DLC1: variants seen among roughly 807,000 people sequenced by gnomAD.
The protein encoded by DLC1 is DLC1 Rho GTPase activating protein, also known as rho GTPase-activating protein 7.
In DLC1, 54 loss-of-function variants were observed where a neutral mutation model predicts 140.3. That is an observed-to-expected ratio of 0.38 (90% CI 0.31 to 0.48). The LOEUF is 0.48. Among genes scored for constraint, DLC1 ranks in the 20% least tolerant of loss-of-function variants. The probability of loss-of-function intolerance (pLI) is 0.96; values close to 1 mark genes in which losing one functional copy is unlikely to be tolerated. For missense variants in DLC1, 2,536 were observed against 1,907.0 expected, an observed-to-expected ratio of 1.33 and a Z score of -6.14; for synonymous variants, 986 against 728.1, an observed-to-expected ratio of 1.35 and a Z score of -5.70.
intron 5 of DLC1, among the ~76,000 whole-genome samples, chr8:13,277,508 C>T (rs1227625854): frequency 6.6e-6 from 1 of 152,178 alleles, no homozygotes. Flanking sequence ...TTCCTCATTA[C>T]AATTGCACAT....
intron 5 of DLC1, among the ~76,000 whole-genome samples, chr8:13,156,488 T>C (rs761468218): frequency 2.6e-5 from 4 of 152,178 alleles, no homozygotes; most frequent in Non-Finnish European, 4.4e-5. Context: ...ACTCTTCTTT[T>C]CCTTCCCACC....
chr8:13,354,216 T>A (rs1018371767), intron 4 of DLC1, among the ~76,000 whole-genome samples: 2 of 152,114 alleles, frequency 1.3e-5, no homozygotes, highest in African/African-American at 4.8e-5. Context: ...TTTGCTAAAA[T>A]GACTTTTTCT....
chr8:13,085,573 T>C lies in DLC1; in HGVS notation c.*238A>G, dbSNP rs1182743019. On this transcript the variant is annotated 3_prime_UTR_variant, in exon 18 of 18. Coordinates refer to ENST00000276297, the MANE Select transcript of DLC1 (RefSeq NM_182643.3). ...GAAGCAATTTGAATAAGAATACACA[T>C]AAATTTTTTTTTTTTTTTTGCACAG... The C allele has an allele frequency of 4.3e-5, 17 of 392,118 alleles. No homozygotes were observed. The East Asian group carries it at 6.8e-4, about 16-fold the overall frequency. The allele number at this position is 392,118 out of a possible 1,614,324, so 24.3% of individuals were successfully genotyped here. A position where few individuals can be genotyped will look rare whatever the true frequency, so the allele number is the denominator to read the frequency against.
At chr8:13,375,221 G>T (rs1291323256) in intron 4 of DLC1, among the ~76,000 whole-genome samples, 1 of 152,016 alleles carries the variant, frequency 6.6e-6, no homozygotes, top group African/African-American at 2.4e-5. Flanking sequence ...TAGAGACGGG[G>T]TTTCACTGTG....
intron 4 of DLC1, among the ~76,000 whole-genome samples, chr8:13,390,308 T>A (rs1586258898): frequency 1.3e-5 from 2 of 152,236 alleles, no homozygotes; most frequent in Non-Finnish European, 2.9e-5. Flanking sequence ...CATTCCTTTT[T>A]ATGGCTGCAT....
rs373970398 is a variant in DLC1 at position 13,269,849 on chromosome 8, A to G, written c.1348+35420T>C. 3.0e-4 allele frequency among the ~76,000 whole-genome samples: 45 copies of G among 151,352 alleles called. 1 individual carries two copies. The East Asian group carries it at 7.6e-3, about 26-fold the overall frequency. ...GAAGCAGGCGGATCACGAGGTCGGGAGATCAAGACCATCCTGGCTAACACG... is the reference window on the plus strand; with the variant it reads ...GAAGCAGGCGGATCACGAGGTCGGGGGATCAAGACCATCCTGGCTAACACG... On this transcript the variant is annotated intron_variant, in intron 5 of 17. Transcript: ENST00000276297.
At chr8:13,603,315 G>A (rs972800381) in intron 1 of DLC1, among the ~76,000 whole-genome samples, 1 of 151,252 alleles carries the variant, frequency 6.6e-6, no homozygotes, top group Non-Finnish European at 1.5e-5. Flanking sequence ...TACGAGTCTT[G>A]GTAATATTAA....
intron 5 of DLC1, among the ~76,000 whole-genome samples, chr8:13,217,856 A>AC (rs1828284582): frequency 1.3e-5 from 2 of 151,518 alleles, no homozygotes; most frequent in African/African-American, 4.9e-5. Flanking sequence ...AACAACAACA[A>AC]AAAAAAACCA....
At chr8:13,546,579 A>G (rs1429825773) in intron 1 of DLC1, among the ~76,000 whole-genome samples, 1 of 152,122 alleles carries the variant, frequency 6.6e-6, no homozygotes, top group Non-Finnish European at 1.5e-5. Flanking sequence ...AATCACCAAC[A>G]TGTCATTCTG....
intron 4 of DLC1, among the ~76,000 whole-genome samples, chr8:13,386,439 A>T (rs551302508): frequency 3.9e-5 from 6 of 152,214 alleles, no homozygotes; most frequent in Middle Eastern, 3.4e-3. Context: ...GATACAAGTT[A>T]TTCTCGACAG....
chr8:13,144,535 GCAGGC>G (rs2128973386), intron 5 of DLC1, among the ~76,000 whole-genome samples: 1 of 152,284 alleles, frequency 6.6e-6, no homozygotes, highest in Admixed American at 6.5e-5. Flanking sequence ...GGAGGCCGAG[GCAGGC>G]AGATCACGAG....
At chr8:13,323,151 G>A (rs150773818) in intron 4 of DLC1, among the ~76,000 whole-genome samples, 5 of 152,144 alleles carry the variant, frequency 3.3e-5, no homozygotes, top group Non-Finnish European at 5.9e-5. Flanking sequence ...TCTGGCACAC[G>A]GCAACTGTGT....
intron 4 of DLC1, among the ~76,000 whole-genome samples, chr8:13,350,789 A>G (rs1197037481): frequency 6.6e-6 from 1 of 152,234 alleles, no homozygotes; most frequent in Admixed American, 6.5e-5. Context: ...TGTTCATATT[A>G]GAATAGTCAG....
intron 2 of DLC1, among the ~76,000 whole-genome samples, chr8:13,464,746 T>TTTTA (rs1431837420): frequency 3.8e-5 from 5 of 130,930 alleles, no homozygotes; most frequent in African/African-American, 1.1e-4. Context: ...GAATTTTAAA[T>TTTTA]TATATATATA....
chr8:13,576,098 C>G (rs1804826981), intron 1 of DLC1, among the ~76,000 whole-genome samples: 2 of 152,268 alleles, frequency 1.3e-5, no homozygotes, highest in South Asian at 2.1e-4. Context: ...TATACTGGCC[C>G]TTAGATCACA....
chr8:13,289,715 G>A (rs370424181), intron 5 of DLC1, among the ~76,000 whole-genome samples: 4 of 152,146 alleles, frequency 2.6e-5, no homozygotes, highest in Admixed American at 2.6e-4. Context: ...GGAGGAGAAG[G>A]GGGTATACAA....
chr8:13,580,073 C>A (rs1413288925), intron 1 of DLC1, among the ~76,000 whole-genome samples: 1 of 152,034 alleles, frequency 6.6e-6, no homozygotes, highest in Non-Finnish European at 1.5e-5. Flanking sequence ...GGGCCCCAAT[C>A]CCATATTCTC....
intron 2 of DLC1, among the ~76,000 whole-genome samples, chr8:13,448,404 C>G (rs1798890367): frequency 6.7e-6 from 1 of 150,320 alleles, no homozygotes. Flanking sequence ...CGCTCTGTCA[C>G]CCAGGCTGGA....
chr8:13,410,983 A>G (rs1045181552), intron 2 of DLC1, among the ~76,000 whole-genome samples: 2 of 152,382 alleles, frequency 1.3e-5, no homozygotes, highest in Admixed American at 1.3e-4. Flanking sequence ...TTTTTAAAAA[A>G]TGAACCCACC....
Sources: gnomAD v4.1 joint callset for allele counts (sites outside exome capture counted in the v4.1 genomes callset) on GRCh38, gnomAD v4.1.1 for gene constraint, MANE v1.5 for transcripts, NCBI Gene and HGNC (gene_info 2026-07-23, HGNC 2026-07-21) for gene names.